SPAM1: variants seen among roughly 807,000 people sequenced by gnomAD.
SPAM1 encodes the protein sperm adhesion molecule 1.
In SPAM1, 22 loss-of-function variants were observed where a neutral mutation model predicts 29.6. The observed-to-expected ratio is 0.74, with a 90% CI of 0.53 to 1.06. The LOEUF (loss-of-function observed/expected upper bound fraction) is 1.06, where lower values mean the gene tolerates loss of function less well. Among genes scored for constraint, SPAM1 ranks in the 50% least tolerant of loss-of-function variants. The pLI, the probability that SPAM1 is intolerant of heterozygous loss-of-function variation, is 0.00. For missense variants in SPAM1, 534 were observed against 604.0 expected (o/e 0.88, Z 1.21); for synonymous variants, 194 against 204.6 (o/e 0.95, Z 0.44).
At chr7:123,960,857 T>C (rs1792349375), downstream of SPAM1, among the ~76,000 whole-genome samples, 1 of 151,910 alleles carries the variant, frequency 6.6e-6, no homozygotes. Flanking sequence ...GTTTAAGCTT[T>C]GTTTAATATC....
At chr7:123,938,495 G>A (rs1295957950) in intron 1 of SPAM1, among the ~76,000 whole-genome samples, 1 of 152,148 alleles carries the variant, frequency 6.6e-6, no homozygotes, top group East Asian at 1.9e-4. Flanking sequence ...TTGAAGGTGA[G>A]CTAATATATA....
At chr7:123,943,513 T>C (rs1016718552) in intron 1 of SPAM1, among the ~76,000 whole-genome samples, 1 of 152,156 alleles carries the variant, frequency 6.6e-6, no homozygotes, top group African/African-American at 2.4e-5. Context: ...AGGAATTTCA[T>C]ACAATTTTGG....
At chr7:123,929,976 A>G (rs1364953061) in intron 1 of SPAM1, among the ~76,000 whole-genome samples, 2 of 145,428 alleles carry the variant, frequency 1.4e-5, no homozygotes, top group African/African-American at 5.1e-5. Context: ...GCTGGATTTC[A>G]GGGAGAGAAA....
At chr7:123,928,177 C>G (rs888061416) in intron 1 of SPAM1, among the ~76,000 whole-genome samples, 1 of 152,116 alleles carries the variant, frequency 6.6e-6, no homozygotes, top group African/African-American at 2.4e-5. Context: ...TATTTTTCAT[C>G]TTGAGAGTAC....
At chr7:123,945,905 G>A (rs940322717) in intron 1 of SPAM1, among the ~76,000 whole-genome samples, 3 of 151,992 alleles carry the variant, frequency 2.0e-5, no homozygotes, top group African/African-American at 7.2e-5. Context: ...ACCAAGTCAG[G>A]TAGAGTTGGT....
At chr7:123,954,821 A>G (rs1792212746) in intron 3 of SPAM1, among the ~76,000 whole-genome samples, 176 bp from the exon 4 acceptor site, 1 of 151,954 alleles carries the variant, frequency 6.6e-6, no homozygotes, top group South Asian at 2.1e-4. Context: ...GATTGAAACA[A>G]TAATAGTATC....
chr7:123,969,557 A>G (rs1792470833), intron 5 of SPAM1, among the ~76,000 whole-genome samples: 1 of 151,932 alleles, frequency 6.6e-6, no homozygotes, highest in Non-Finnish European at 1.5e-5. Flanking sequence ...CTTTTCCCCA[A>G]TATATGTTCT....
intron 4 of SPAM1, among the ~76,000 whole-genome samples, chr7:123,957,918 T>A (rs1792281443): frequency 6.6e-6 from 1 of 151,996 alleles, no homozygotes; most frequent in South Asian, 2.1e-4. Context: ...CTTCCTTCAG[T>A]TTATCTTTCT....
chr7:123,949,641 A>G (rs1359905631), intron 1 of SPAM1, among the ~76,000 whole-genome samples: 1 of 152,096 alleles, frequency 6.6e-6, no homozygotes, highest in Non-Finnish European at 1.5e-5. Flanking sequence ...ATAGTGGTGA[A>G]TACTACACAT....
intron 6 of SPAM1, among the ~76,000 whole-genome samples, chr7:123,970,479 G>C (rs1792483500): frequency 6.6e-6 from 1 of 151,756 alleles, no homozygotes; most frequent in South Asian, 2.1e-4. Context: ...TTTAAGGCTG[G>C]GTGCAGTGGC....
intron 1 of SPAM1, among the ~76,000 whole-genome samples, chr7:123,936,966 C>T (rs565128550): frequency 1.3e-5 from 2 of 152,308 alleles, no homozygotes; most frequent in Admixed American, 1.3e-4. Flanking sequence ...CCTCCCACCT[C>T]ACCTTTCTTA....
At chr7:123,927,374 A>G (rs1483705324) in intron 1 of SPAM1, among the ~76,000 whole-genome samples, 1 of 152,202 alleles carries the variant, frequency 6.6e-6, no homozygotes, top group Non-Finnish European at 1.5e-5. Context: ...CAGGAGTTCA[A>G]TGGCTCCAAG....
chr7:123,953,350 G>A lies in SPAM1; in HGVS notation c.-206-15G>A, dbSNP rs897279594. 4.0e-5 allele frequency: 17 copies of A among 429,118 alleles called. No homozygotes were observed. Among genetic ancestry groups the A allele is most frequent in the South Asian group, 3.8e-4 (5 of 13,190 alleles). 26.6% of individuals were successfully genotyped at this position (429,118 alleles called of 1,614,324 possible). On this transcript the variant is annotated splice_polypyrimidine_tract_variant and intron_variant, in intron 2 of 4. Transcript: ENST00000682466. ...GAAATGCATCATAACAATGTATTCT[G>A]TATTTCTTTTTCAGTTATAGGTGAT...
chr7:123,933,230 C>A (rs1365315280), intron 1 of SPAM1, among the ~76,000 whole-genome samples: 1 of 151,942 alleles, frequency 6.6e-6, no homozygotes, highest in African/African-American at 2.4e-5. Context: ...TTGCCCCCGA[C>A]CCCTGACAGG....
intron 6 of SPAM1, chr7:123,970,345 G>A (rs896795110): frequency 7.2e-7 from 1 of 1,394,294 alleles, no homozygotes; most frequent in African/African-American, 1.5e-5. Context: ...CTGTGACCTT[G>A]TTTCTTCCCC....
At chr7:123,947,617 C>G (rs1052425558) in intron 1 of SPAM1, 6 of 147,362 alleles carry the variant, frequency 4.1e-5, no homozygotes, top group South Asian at 4.3e-4. Context: ...CACACACACA[C>G]ACAGACAGGT....
intron 1 of SPAM1, among the ~76,000 whole-genome samples, chr7:123,931,452 C>T (rs1013519569): frequency 9.9e-5 from 15 of 152,186 alleles, no homozygotes; most frequent in African/African-American, 3.6e-4. Context: ...GGAAGGAATG[C>T]ATGCACAGAG....
chr7:123,927,139 C>T (rs1022546083), intron 1 of SPAM1, among the ~76,000 whole-genome samples: 1 of 152,096 alleles, frequency 6.6e-6, no homozygotes, highest in African/African-American at 2.4e-5. Flanking sequence ...TAAAACCCAT[C>T]TGATGAGAAT....
In SPAM1 at chr7:123,960,014, T is replaced by C; in HGVS notation, c.*45T>C. ...TGAACAATATGTCCATCTTAAAGTG[T>C]GCTTTTTCGACTAATTAAATCTTTG... On this transcript the variant is annotated 3_prime_UTR_variant, in exon 5 of 5. Coordinates refer to ENST00000682466, the MANE Select transcript of SPAM1 (RefSeq NM_153189.3). 1 of 1,529,292 alleles carries C rather than the reference T, an allele frequency of 6.5e-7. No homozygotes were observed. Among genetic ancestry groups the C allele is most frequent in the Non-Finnish European group, 8.7e-7 (1 of 1,146,916 alleles). 94.7% of individuals were successfully genotyped at this position (1,529,292 alleles called of 1,614,324 possible). A position where few individuals can be genotyped will look rare whatever the true frequency, so the allele number is the denominator to read the frequency against.
Sources: allele counts gnomAD v4.1 joint callset (sites outside exome capture counted in the v4.1 genomes callset), GRCh38; gene constraint gnomAD v4.1.1; transcripts MANE v1.5; gene names NCBI Gene and HGNC (gene_info 2026-07-23, HGNC 2026-07-21).